The following SPACA6 variants were observed in gnomAD, a reference collection of about 807,000 sequenced individuals.
SPACA6 encodes the protein sperm acrosome associated 6.
For missense variants in SPACA6, 8 were observed against 2.8 expected (o/e 2.88, Z -1.34); for synonymous variants, 6 against 1.5 (o/e 4.05, Z -2.21).
At chr19:51,699,271 G>A (rs2083451855) in intron 2 of SPACA6, among the ~76,000 whole-genome samples, 1 of 152,152 alleles carries the variant, frequency 6.6e-6, no homozygotes, top group Non-Finnish European at 1.5e-5. Flanking sequence ...AGCCTCCCGA[G>A]TAGCTGTGAT....
chr19:51,711,933 G>A (rs763344096), intron 2 of SPACA6: 1 of 152,228 alleles, frequency 6.6e-6, no homozygotes, highest in Non-Finnish European at 1.5e-5. Context: ...GGTTCCTTTT[G>A]TGGGGTGATG....
chr19:51,706,265 T>G (rs1358669137), downstream of SPACA6, among the ~76,000 whole-genome samples: 1 of 152,184 alleles, frequency 6.6e-6, no homozygotes, highest in Non-Finnish European at 1.5e-5. Context: ...GTTCACACTG[T>G]TTCCTGCCTA....
upstream of SPACA6, among the ~76,000 whole-genome samples, chr19:51,688,967 A>C (rs2083344723): frequency 6.6e-6 from 1 of 151,678 alleles, no homozygotes; most frequent in South Asian, 2.1e-4. Context: ...AGAGCGAGAG[A>C]GCACGCACAG....
At chr19:51,702,430 ACCT>A (rs1240267221) in intron 3 of SPACA6, 196 bp from the exon 4 acceptor site, 5 of 389,054 alleles carry the variant, frequency 1.3e-5, no homozygotes, top group Admixed American at 4.5e-5. Flanking sequence ...CCTGGGCCTG[ACCT>A]CCTAGTGGAA....
chr19:51,694,301 A>G (rs910618564), intron 1 of SPACA6, 177 bp from the exon 2 acceptor site: 1 of 271,098 alleles, frequency 3.7e-6, no homozygotes, highest in Non-Finnish European at 6.6e-6. Context: ...GCAGAGACTC[A>G]GGGAGGATAG....
chr19:51,698,329 G>A (rs571562274), intron 2 of SPACA6, among the ~76,000 whole-genome samples: 4 of 152,198 alleles, frequency 2.6e-5, no homozygotes, highest in East Asian at 3.9e-4. Flanking sequence ...CACCCATGCC[G>A]CCTTATGGCC....
chr19:51,708,087 G>A (rs1315862369), downstream of SPACA6, among the ~76,000 whole-genome samples: 1 of 152,178 alleles, frequency 6.6e-6, no homozygotes, highest in East Asian at 1.9e-4. Flanking sequence ...CCAAGGACTG[G>A]AGGGGGCAGC....
downstream of SPACA6, among the ~76,000 whole-genome samples, chr19:51,712,573 C>A (rs1358300104): frequency 1.3e-5 from 2 of 151,994 alleles, no homozygotes; most frequent in Non-Finnish European, 2.9e-5. Flanking sequence ...TTTGAGCAGA[C>A]AAAGAGGACA....
chr19:51,703,545 C>T lies in SPACA6; in HGVS notation c.573+208C>T, dbSNP rs868639140. Among the ~76,000 whole-genome samples, 66 of 152,114 alleles carry T rather than the reference C, an allele frequency of 4.3e-4. No individual in the cohort carries two copies. The highest frequency in any genetic ancestry group is 1.5e-3 in the African/African-American group (62 of 41,434). ...GGGGCGATGGCTCACGCCTGTAATC[C>T]CAGCGCTTTTGGAGACCAAGGCGGG... On this transcript the variant is annotated intron_variant, in intron 6 of 8. Coordinates refer to ENST00000637797, the MANE Select transcript of SPACA6 (RefSeq NM_001316972.2). The surrounding 1 kb of genome is among the most constrained non-coding windows in gnomAD (Gnocchi z 4.2).
chr19:51,707,386 C>G (rs920785642), downstream of SPACA6, among the ~76,000 whole-genome samples: 1 of 152,092 alleles, frequency 6.6e-6, no homozygotes, highest in Non-Finnish European at 1.5e-5. Flanking sequence ...CCATGCCCAG[C>G]TAATTTTTGT....
intron 4 of SPACA6, 159 bp downstream of exon 4, chr19:51,702,811 C>T (rs2083479728): frequency 5.0e-6 from 2 of 398,562 alleles, no homozygotes; most frequent in Non-Finnish European, 4.4e-6. Context: ...TGCTCTAAAT[C>T]CTCAGAAGGT....
chr19:51,704,279 C>G lies in SPACA6; in HGVS notation c.740C>G (p.Pro247Arg). The change falls in exon 8 of 9, where the codon CCG becomes CGG. Residue 247 changes from proline (P) to arginine (R), a missense_variant. Pro to Arg is a moderately radical substitution (Grantham distance 103, BLOSUM62 -2). Transcript: ENST00000637797. Reference protein sequence around the residue: ...RLYFFLNVTGPPPRAETELQA... With the variant: ...RLYFFLNVTGRPPRAETELQA... The stretch of plus-strand genomic sequence containing the variant: ...GTGCGCGCCCCCGCAGTGACGGGCC[C>G]GCCCCCGCGGGCGGAGACAGAGTTG... 2.5e-6 allele frequency: 1 copy of G among 400,676 alleles called. No homozygotes were observed. Among genetic ancestry groups the G allele is most frequent in the Non-Finnish European group, 4.4e-6 (1 of 225,970 alleles). The allele number at this position is 400,676 out of a possible 1,614,324, so 24.8% of individuals were successfully genotyped here. A position where few individuals can be genotyped will look rare whatever the true frequency, so the allele number is the denominator to read the frequency against.
upstream of SPACA6, chr19:51,692,881 ACGGGGCCCGG>A (rs1430416198): frequency 3.7e-6 from 2 of 533,806 alleles, no homozygotes. This position sits in a 1 kb window ranked among gnomAD's most constrained non-coding sequence, Gnocchi z 5.6. Flanking sequence ...CCTGCACGGG[ACGGGGCCCGG>A]CGGGGACCCC....
At chr19:51,691,118 G>T (rs947728677), upstream of SPACA6, among the ~76,000 whole-genome samples, 1 of 149,378 alleles carries the variant, frequency 6.7e-6, no homozygotes, top group Non-Finnish European at 1.5e-5. Flanking sequence ...CCCAGCCCTG[G>T]GCCCCTTCTC....
upstream of SPACA6, among the ~76,000 whole-genome samples, chr19:51,689,951 G>A (rs1331954715): frequency 6.6e-6 from 1 of 151,028 alleles, no homozygotes; most frequent in Non-Finnish European, 1.5e-5. Context: ...TCTGGCTGGA[G>A]GGGAGGGGGA....
chr19:51,691,201 A>AC (rs2083368950), upstream of SPACA6, among the ~76,000 whole-genome samples: 2 of 74,622 alleles, frequency 2.7e-5, no homozygotes, highest in South Asian at 9.3e-4. Flanking sequence ...GGGAAGGAGA[A>AC]AAGAGAGAGA....
rs1181738231 is a variant in SPACA6, at chr19:51,704,312, C to T, written c.773C>T (p.Ser258Leu). ...CGGGCGGAGACAGAGTTGCAGGCCT[C>T]GTTCCGGGAAGTGCTGCGCTGGGCG... ...PPRAETELQA[S>L]FREVLRWAPR... The change falls in exon 8 of 9, where the codon TCG (serine) becomes TTG (leucine). Residue 258 changes from serine (S) to leucine (L), a missense_variant. Coordinates refer to ENST00000637797, the MANE Select transcript of SPACA6 (RefSeq NM_001316972.2). The T allele has an allele frequency of 2.5e-5, 10 of 400,722 alleles. No individual in the cohort carries two copies. The highest frequency in any genetic ancestry group is 1.3e-4 in the South Asian group (1 of 7,968). 24.8% of individuals were successfully genotyped at this position (400,722 alleles called of 1,614,324 possible).
rs2083484191 is a variant in SPACA6 at position 51,703,259 on chromosome 19, G to A, written c.495G>A (p.Gln165=). The A allele has an allele frequency of 2.5e-6, 1 of 399,452 alleles. No homozygotes were observed. The highest frequency in any genetic ancestry group is 4.4e-6 in the Non-Finnish European group (1 of 226,124). The allele number at this position is 399,452 out of a possible 1,614,324, so 24.7% of individuals were successfully genotyped here. ...ATGTGACAGTGACTCGGGGCGACCAGGCTATGTTTTCTTGCATCGTAAACT... is the reference window on the plus strand; with the variant it reads ...ATGTGACAGTGACTCGGGGCGACCAAGCTATGTTTTCTTGCATCGTAAACT... ...VQDVTVTRGD[Q]AMFSCIVNFQ... Residue 165 remains glutamine, a synonymous_variant, in exon 6 of 9, where the codon CAG becomes CAA. Coordinates refer to ENST00000637797, the MANE Select transcript of SPACA6 (RefSeq NM_001316972.2). This position sits in a 1 kb window ranked among gnomAD's most constrained non-coding sequence, Gnocchi z 4.2.
chr19:51,708,538 TC>T (rs1200376568), downstream of SPACA6, among the ~76,000 whole-genome samples: 1 of 151,782 alleles, frequency 6.6e-6, no homozygotes, highest in African/African-American at 2.4e-5. Flanking sequence ...TGAAGAGTGT[TC>T]CAGGTGGCCA....
Sources: gnomAD v4.1 joint callset for allele counts (sites outside exome capture counted in the v4.1 genomes callset) on GRCh38, gnomAD v4.1.1 for gene constraint, Gnocchi (gnomAD v3.1) non-coding constraint, MANE v1.5 for transcripts, NCBI Gene and HGNC (gene_info 2026-07-23, HGNC 2026-07-21) for gene names.